ARHGEF3: variants seen among roughly 807,000 people sequenced by gnomAD.
ARHGEF3 encodes 59.8 kDA protein.
In ARHGEF3, 28 loss-of-function variants were observed where a neutral mutation model predicts 63.2. That is an observed-to-expected ratio of 0.44 (90% CI 0.33 to 0.61). The LOEUF (loss-of-function observed/expected upper bound fraction) is 0.61. Ranked by LOEUF, ARHGEF3 falls within the 20% of genes least tolerant of loss-of-function variation. The pLI is 0.03. For missense variants in ARHGEF3, 533 were observed against 659.3 expected, an observed-to-expected ratio of 0.81 and a Z score of 2.10; for synonymous variants, 266 against 254.2, an observed-to-expected ratio of 1.05 and a Z score of -0.44.
intron 4 of ARHGEF3, among the ~76,000 whole-genome samples, chr3:56,856,630 C>T (rs372171943): frequency 2.6e-5 from 4 of 151,792 alleles, no homozygotes; most frequent in African/African-American, 9.7e-5. Flanking sequence ...CCTTCTACAG[C>T]CCTTCATTTG....
At chr3:57,053,443 C>T (rs1016612920) in intron 1 of ARHGEF3, among the ~76,000 whole-genome samples, 5 of 152,326 alleles carry the variant, frequency 3.3e-5, no homozygotes, top group South Asian at 2.1e-4. Flanking sequence ...TCTCCCCAAC[C>T]TTCTTCCAAG....
At chr3:56,848,620 A>G (rs2039568065) in intron 4 of ARHGEF3, among the ~76,000 whole-genome samples, 1 of 152,182 alleles carries the variant, frequency 6.6e-6, no homozygotes, top group African/African-American at 2.4e-5. Context: ...AGTCTTACAT[A>G]TACACCGTTG....
At chr3:57,029,090 C>T (rs995238048) in intron 2 of ARHGEF3, among the ~76,000 whole-genome samples, 3 of 151,990 alleles carry the variant, frequency 2.0e-5, no homozygotes, top group African/African-American at 7.2e-5. Context: ...TACAGGACTG[C>T]AGCCAAGCCC....
intron 7 of ARHGEF3, among the ~76,000 whole-genome samples, chr3:56,739,372 T>G (rs1405189282): frequency 6.6e-6 from 1 of 150,732 alleles, no homozygotes; most frequent in African/African-American, 2.4e-5. Flanking sequence ...AAATTGTATC[T>G]AGGATTGTTA....
At chr3:56,731,495 C>T (rs760370879) in intron 9 of ARHGEF3, 4 of 151,742 alleles carry the variant, frequency 2.6e-5, no homozygotes, top group Non-Finnish European at 4.4e-5. Flanking sequence ...CACGCCACCA[C>T]ACACCAGCCT....
chr3:56,817,853 G>A (rs185136473), intron 4 of ARHGEF3, among the ~76,000 whole-genome samples: 22 of 152,218 alleles, frequency 1.4e-4, no homozygotes, highest in African/African-American at 4.3e-4. Flanking sequence ...AGCATGCCCC[G>A]TACCCACAGG....
intron 3 of ARHGEF3, among the ~76,000 whole-genome samples, chr3:56,944,234 C>T (rs1203228814): frequency 6.6e-6 from 1 of 152,150 alleles, no homozygotes; most frequent in African/African-American, 2.4e-5. Context: ...GTGCCATAGA[C>T]AGTGTTTCCT....
chr3:56,773,856 C>T (rs1435446269), intron 1 of ARHGEF3, 40 bp from the exon 2 acceptor site: 1 of 1,501,856 alleles, frequency 6.7e-7, no homozygotes, highest in Non-Finnish European at 9.1e-7. Flanking sequence ...ATGTCAAGGT[C>T]AATTGCAAAG....
intron 3 of ARHGEF3, among the ~76,000 whole-genome samples, chr3:56,923,644 A>G (rs1287533828): frequency 6.6e-6 from 1 of 152,086 alleles, no homozygotes; most frequent in Non-Finnish European, 1.5e-5. Flanking sequence ...ATCCATCTAG[A>G]AAGTTCAAGA....
chr3:56,802,159 CGCAGAGCGTGGGCCGCGA>C (rs1238728132), upstream of ARHGEF3, among the ~76,000 whole-genome samples: 2 of 152,186 alleles, frequency 1.3e-5, no homozygotes, highest in African/African-American at 4.8e-5. Context: ...CGGGCGCCCC[CGCAGAGCGTGGGCCGCGA>C]TTGCGGGGCA....
intron 4 of ARHGEF3, among the ~76,000 whole-genome samples, chr3:56,810,503 G>T (rs1698395351): frequency 6.6e-6 from 1 of 151,882 alleles, no homozygotes; most frequent in Admixed American, 6.6e-5. Flanking sequence ...CTCCGGCCTG[G>T]GTGACAGAGA....
In ARHGEF3 at chr3:56,867,712, C is replaced by T. The variant is rs546648732; in HGVS notation, c.192+14580G>A. 1.5e-4 allele frequency among the ~76,000 whole-genome samples: 23 copies of T among 152,278 alleles called. No individual in the cohort carries two copies. The South Asian group carries it at 4.4e-3, about 29-fold the overall frequency. Reference sequence around the variant, plus strand: ...TCTCGAGCTCCTGAGCTCAAGCAATCCTCCCGCCTCAGCCTCCCAAAGTGC... The same window carrying T: ...TCTCGAGCTCCTGAGCTCAAGCAATTCTCCCGCCTCAGCCTCCCAAAGTGC... On this transcript the variant is annotated intron_variant, in intron 4 of 12. Transcript: ENST00000338458.
chr3:56,838,215 T>C (rs183677539), intron 4 of ARHGEF3, among the ~76,000 whole-genome samples: 2 of 152,324 alleles, frequency 1.3e-5, no homozygotes, highest in African/African-American at 2.4e-5. Context: ...TTGTAAAGTA[T>C]GTAAAAAATA....
chr3:57,070,462 A>G (rs1705824840), intron 1 of ARHGEF3, among the ~76,000 whole-genome samples: 1 of 152,212 alleles, frequency 6.6e-6, no homozygotes, highest in South Asian at 2.1e-4. Flanking sequence ...AGCAGACTCA[A>G]TGACTAGGGA....
In ARHGEF3 at chr3:56,755,077, G is replaced by A. The variant is rs779375292; in HGVS notation, c.279C>T (p.Pro93=). 1.2e-6 allele frequency: 2 copies of A among 1,614,124 alleles called. No individual in the cohort carries two copies. Among genetic ancestry groups the A allele is most frequent in the Non-Finnish European group, 1.7e-6 (2 of 1,180,030 alleles). The change falls in exon 3 of 10, where the codon CCC becomes CCT. Residue 93 remains proline, a synonymous_variant. Coordinates refer to ENST00000296315, the MANE Select transcript of ARHGEF3 (RefSeq NM_019555.3). ...APRPWSRNAA[P]SSTKRRDSKL... is the part of the protein sequence containing the mutation. ...TGCTATCTCTCCGTTTCGTGCTCGA[G>A]GGGGCGGCATTTCTGGACCAGGGTC... is the stretch of plus-strand genomic sequence containing the variant.
chr3:57,038,758 G>C (rs1704061458), intron 1 of ARHGEF3, among the ~76,000 whole-genome samples: 1 of 152,154 alleles, frequency 6.6e-6, no homozygotes, highest in Non-Finnish European at 1.5e-5. Context: ...ACCATTGTTG[G>C]TAATGACCAC....
intron 3 of ARHGEF3, among the ~76,000 whole-genome samples, chr3:56,935,583 A>C (rs966465638): frequency 1.3e-5 from 2 of 152,088 alleles, no homozygotes; most frequent in African/African-American, 4.8e-5. Context: ...CTACAAGCCC[A>C]CCGGGAGGAA....
intron 8 of ARHGEF3, among the ~76,000 whole-genome samples, 182 bp downstream of exon 8, chr3:56,737,003 A>G (rs1309253404): frequency 6.6e-6 from 1 of 152,120 alleles, no homozygotes; most frequent in Admixed American, 6.6e-5. Flanking sequence ...GCCGAGGCAC[A>G]AGAATTGCTT....
chr3:57,021,027 A>G (rs563506729), intron 2 of ARHGEF3, among the ~76,000 whole-genome samples: 2 of 152,380 alleles, frequency 1.3e-5, no homozygotes, highest in Non-Finnish European at 2.9e-5. Flanking sequence ...AAACAGAAGG[A>G]AAGCTATCCT....
Sources: allele counts gnomAD v4.1 joint callset (sites outside exome capture counted in the v4.1 genomes callset), GRCh38; gene constraint gnomAD v4.1.1; transcripts MANE v1.5; gene names NCBI Gene and HGNC (gene_info 2026-07-23, HGNC 2026-07-21).